The following BRME1 variants were observed in gnomAD, a reference collection of about 807,000 sequenced individuals.
BRME1 encodes the protein BRCA2 and MEILB2-associating protein 1.
BRME1 carries 31 observed loss-of-function variants against 52.6 expected under a neutral mutation model. The ratio of observed to expected loss-of-function variants is 0.59; its 90% CI spans 0.44 to 0.80. The LOEUF (loss-of-function observed/expected upper bound fraction) is 0.80, where lower values mean the gene tolerates loss of function less well. BRME1 is among the 30% of genes least tolerant of loss of function. The probability of loss-of-function intolerance (pLI) is 0.00; values close to 1 mark genes in which losing one functional copy is unlikely to be tolerated. For missense variants in BRME1, 804 were observed against 860.3 expected (o/e 0.93, Z 0.82); for synonymous variants, 359 against 353.6 (o/e 1.02, Z -0.17).
chr19:13,892,190 T>C (rs1295932747), intron 5 of BRME1, among the ~76,000 whole-genome samples: 1 of 152,188 alleles, frequency 6.6e-6, no homozygotes, highest in Non-Finnish European at 1.5e-5. Flanking sequence ...GCCAATTGCC[T>C]AGTTTTGGTG....
In BRME1 at chr19:13,888,117, C is replaced by T. The variant is rs553400258; in HGVS notation, c.1668+1071G>A. Among the ~76,000 whole-genome samples, 1 of 152,136 alleles carries T rather than the reference C, an allele frequency of 6.6e-6. No homozygotes were observed. Among genetic ancestry groups the T allele is most frequent in the Admixed American group, 6.5e-5 (1 of 15,282 alleles). ...TTTTTGTATTTTGGTAGAGATGGGG[C>T]TTCACCATGTTGGCCAGGCTGGTCC... On this transcript the variant is annotated intron_variant, in intron 6 of 8. Transcript: ENST00000586783. The surrounding 1 kb of genome is among the most constrained non-coding windows in gnomAD (Gnocchi z 4.1).
rs1312944977 is a variant in BRME1, at chr19:13,889,828, C to G, written c.1028G>C (p.Ser343Thr). 2 of 1,613,206 alleles carry G rather than the reference C, an allele frequency of 1.2e-6. No individual in the cohort carries two copies. Among genetic ancestry groups the G allele is most frequent in the Middle Eastern group, 1.6e-4 (1 of 6,062 alleles). Reference sequence around the variant, plus strand: ...CTCTTCCAGCTCAGTGGGGTCTGTGCTCAGGTCTGCGATGACAACCATCCC... The same window carrying G: ...CTCTTCCAGCTCAGTGGGGTCTGTGGTCAGGTCTGCGATGACAACCATCCC... ...SLGMVVIADLSTDPTELEERA... is the reference protein window; with the variant it reads ...SLGMVVIADLTTDPTELEERA... Residue 343 changes from serine (S) to threonine (T), a missense_variant, in exon 6 of 9, where the codon AGC (serine) becomes ACC (threonine). Ser to Thr is a moderately conservative substitution (Grantham distance 58). Around this residue, in one of 3 missense-constraint regions of BRME1, gnomAD observed 552 missense variants for 561.1 expected, o/e 0.98. Coordinates refer to ENST00000586783, the MANE Select transcript of BRME1 (RefSeq NM_001345843.2).
rs1016200716 is a variant in BRME1 at position 13,883,070 on chromosome 19, C to A, written c.1857-118G>T. The A allele has an allele frequency of 7.6e-7, 1 of 1,309,658 alleles. No homozygotes were observed. The highest frequency in any genetic ancestry group is 1.5e-5 in the African/African-American group (1 of 67,054). The allele number at this position is 1,309,658 out of a possible 1,614,324, so 81.1% of individuals were successfully genotyped here. A position where few individuals can be genotyped will look rare whatever the true frequency, so the allele number is the denominator to read the frequency against. On this transcript the variant is annotated intron_variant, in intron 8 of 8. Coordinates refer to ENST00000586783, the MANE Select transcript of BRME1 (RefSeq NM_001345843.2). The surrounding 1 kb of genome is among the most constrained non-coding windows in gnomAD (Gnocchi z 4.2). ...CAGGTGCACACACACGGCTCACACA[C>A]GTGCACATAACCAGAAAGGGCCTGT...
intron 4 of BRME1, 38 bp from the exon 5 acceptor site, chr19:13,892,928 T>G (rs763106245): frequency 4.4e-6 from 7 of 1,584,942 alleles, no homozygotes; most frequent in Non-Finnish European, 6.1e-6. Flanking sequence ...GCAATAAAGA[T>G]AAGAGAGGAA....
At chr19:13,894,537 A>C (rs1969745013) in intron 3 of BRME1, among the ~76,000 whole-genome samples, 1 of 152,122 alleles carries the variant, frequency 6.6e-6, no homozygotes, top group African/African-American at 2.4e-5. Context: ...ATAAATAAAT[A>C]AATAAATAAG....
At chr19:13,885,064 C>A (rs76619803) in intron 7 of BRME1, 2 of 152,440 alleles carry the variant, frequency 1.3e-5, no homozygotes, top group African/African-American at 4.8e-5. Flanking sequence ...CTCTGGTCCA[C>A]GTGCAGGTTG....
intron 6 of BRME1, among the ~76,000 whole-genome samples, chr19:13,886,534 G>A (rs1400098686): frequency 1.3e-5 from 2 of 152,202 alleles, no homozygotes; most frequent in South Asian, 2.1e-4. Flanking sequence ...AATATAACAC[G>A]AGGGGAAAAC....
chr19:13,890,034 G>C lies in BRME1; in HGVS notation c.822C>G (p.Asp274Glu), dbSNP rs749115967. The change falls in exon 6 of 9, where the codon GAC becomes GAG. Residue 274 changes from aspartate (D) to glutamate (E), a missense_variant. Transcript: ENST00000586783. ...CTGATGCTGGGGTACAGGGGACACC[G>C]TCTCCCTCCTCCTGGGGCCCTCCAG... The part of the protein sequence containing the change: ...GLPGGPQEEG[D>E]GVPCTPASAP... 1.9e-6 allele frequency: 3 copies of C among 1,613,436 alleles called. No homozygotes were observed. Among genetic ancestry groups the C allele is most frequent in the South Asian group, 2.2e-5 (2 of 91,090 alleles).
At chr19:13,893,271 GC>G in intron 3 of BRME1, 48 bp from the exon 4 acceptor site, 1 of 1,492,390 alleles carries the variant, frequency 6.7e-7, no homozygotes, top group Non-Finnish European at 9.1e-7. Flanking sequence ...GGGTGCGGTG[GC>G]TCACACCTGT....
chr19:13,896,400 T>C (rs1410047905), intron 2 of BRME1, among the ~76,000 whole-genome samples: 1 of 147,164 alleles, frequency 6.8e-6, no homozygotes, highest in Non-Finnish European at 1.5e-5. Flanking sequence ...TAAAATATAT[T>C]ATTTAAATTA....
chr19:13,882,351 C>T lies in BRME1; in HGVS notation c.*451G>A, dbSNP rs1032827105. On this transcript the variant is annotated 3_prime_UTR_variant, in exon 9 of 9. Coordinates refer to ENST00000586783, the MANE Select transcript of BRME1 (RefSeq NM_001345843.2). ...AGCCTCAGCCCCAAACAGCAGGTCA[C>T]GGGGCCTCTACAGAATCATTTATTA... 7.5e-5 allele frequency: 30 copies of T among 399,550 alleles called. No homozygotes were observed. Among genetic ancestry groups the T allele is most frequent in the African/African-American group, 1.4e-4 (7 of 48,726 alleles). 24.8% of individuals were successfully genotyped at this position (399,550 alleles called of 1,614,324 possible). A position where few individuals can be genotyped will look rare whatever the true frequency, so the allele number is the denominator to read the frequency against.
chr19:13,886,796 CAAAAA>C (rs61412091), intron 6 of BRME1, among the ~76,000 whole-genome samples: 21 of 85,164 alleles, frequency 2.5e-4, no homozygotes, highest in Middle Eastern at 7.0e-3. Flanking sequence ...CCTGTCTGTA[CAAAAA>C]AAAAAAAAAA....
In BRME1 at chr19:13,893,152, G is replaced by A. The variant is rs1969633987; in HGVS notation, c.278C>T (p.Pro93Leu). The change falls in exon 4 of 9, where the codon CCT (proline) becomes CTT (leucine). Residue 93 changes from proline (P) to leucine (L), a missense_variant. Pro to Leu is a moderately conservative substitution (Grantham distance 98). Transcript: ENST00000586783. ...ACAGGACGAGCTCACCTGGGAAGGA[G>A]GAAGGGGAGCTGGCTCCTTTTCTGG... ...RQPEKEPAPLPPSQNSFGRFV... is the reference protein window; with the variant it reads ...RQPEKEPAPLLPSQNSFGRFV... 2 of 1,597,354 alleles carry A rather than the reference G, an allele frequency of 1.3e-6. No homozygotes were observed. Among genetic ancestry groups the A allele is most frequent in the African/African-American group, 1.3e-5 (1 of 74,622 alleles).
intron 7 of BRME1, among the ~76,000 whole-genome samples, chr19:13,884,476 A>G (rs1347055903): frequency 6.6e-6 from 1 of 151,812 alleles, no homozygotes; most frequent in Non-Finnish European, 1.5e-5. Flanking sequence ...AAAATATACA[A>G]AATTAGCCGG....
At chr19:13,887,949 G>T (rs1568374580) in intron 6 of BRME1, among the ~76,000 whole-genome samples, 1 of 152,060 alleles carries the variant, frequency 6.6e-6, no homozygotes, top group Non-Finnish European at 1.5e-5. Context: ...TTTCTTGAGA[G>T]AGTCTTGCTC....
intron 5 of BRME1, among the ~76,000 whole-genome samples, chr19:13,891,135 T>TTTTTTTTTTTTTATTATTATTA (rs59151567): frequency 1.4e-5 from 2 of 146,634 alleles, no homozygotes; most frequent in African/African-American, 5.2e-5. Flanking sequence ...CAATTTCCTG[T>TTTTTTTTTTTTTATTATTATTA]TTATTATTAT....
At position 13,882,445 on chromosome 19, in the gene BRME1, A is replaced by G. The variant is rs1005699800; in HGVS notation, c.*357T>C. 14 of 413,884 alleles carry G rather than the reference A, an allele frequency of 3.4e-5. No homozygotes were observed. The East Asian group carries it at 5.0e-4, about 15-fold the overall frequency. 25.6% of individuals were successfully genotyped at this position (413,884 alleles called of 1,614,324 possible). ...AACAAAGGGAGCTCTCTTCTCCTCCAGGAAAGAAACAAATTCTGAACCATC... is the reference window on the plus strand; with the variant it reads ...AACAAAGGGAGCTCTCTTCTCCTCCGGGAAAGAAACAAATTCTGAACCATC... On this transcript the variant is annotated 3_prime_UTR_variant, in exon 9 of 9. Transcript: ENST00000586783.
chr19:13,890,072 C>T lies in BRME1; in HGVS notation c.784G>A (p.Gly262Arg). 1.2e-6 allele frequency: 2 copies of T among 1,613,822 alleles called. No homozygotes were observed. Among genetic ancestry groups the T allele is most frequent in the African/African-American group, 1.3e-5 (1 of 75,052 alleles). ...TGGGGCCCTCCAGGCAGGCCAGCCCCTGCTGTCCTTTGGGCCCCTCCCTCC... is the reference window on the plus strand; with the variant it reads ...TGGGGCCCTCCAGGCAGGCCAGCCCTTGCTGTCCTTTGGGCCCCTCCCTCC... The part of the protein sequence containing the change: ...PQEGGAQRTA[G>R]AGLPGGPQEE... Residue 262 changes from glycine to arginine, a missense_variant, in exon 6 of 9, where the codon GGG becomes AGG. Transcript: ENST00000586783.
chr19:13,900,911 T>A (rs1431338516), intron 2 of BRME1, among the ~76,000 whole-genome samples: 2 of 152,082 alleles, frequency 1.3e-5, no homozygotes, highest in Non-Finnish European at 2.9e-5. Flanking sequence ...CCTCAAATGA[T>A]CCATCCACCT....
Sources: allele counts gnomAD v4.1 joint callset (sites outside exome capture counted in the v4.1 genomes callset), GRCh38; gene constraint gnomAD v4.1.1; regional missense constraint gnomAD v4.1.1; non-coding constraint Gnocchi (gnomAD v3.1); transcripts MANE v1.5; gene names NCBI Gene and HGNC (gene_info 2026-07-23, HGNC 2026-07-21).